The following SLC25A24 variants were observed in gnomAD, a reference collection of about 807,000 sequenced individuals.
The protein encoded by SLC25A24 is mitochondrial adenyl nucleotide antiporter SLC25A24.
In SLC25A24, 49 loss-of-function variants were observed where a neutral mutation model predicts 60.7. The ratio of observed to expected loss-of-function variants is 0.81; its 90% CI spans 0.64 to 1.02. SLC25A24 has a LOEUF of 1.02. Ranked by LOEUF, SLC25A24 falls within the 50% of genes least tolerant of loss-of-function variation. SLC25A24 has a pLI of 0.00. For missense variants in SLC25A24, 564 were observed against 586.3 expected, an observed-to-expected ratio of 0.96 and a Z score of 0.39; for synonymous variants, 202 against 200.6, an observed-to-expected ratio of 1.01 and a Z score of -0.06.
intron 3 of SLC25A24, among the ~76,000 whole-genome samples, chr1:108,179,084 T>C (rs1415960003): frequency 8.4e-6 from 1 of 119,574 alleles, no homozygotes; most frequent in South Asian, 2.5e-4. Context: ...AAAACCCCAA[T>C]AGACATTTTT....
At chr1:108,151,824 T>C (rs1334963601) in intron 6 of SLC25A24, among the ~76,000 whole-genome samples, 1 of 152,214 alleles carries the variant, frequency 6.6e-6, no homozygotes, top group Non-Finnish European at 1.5e-5. Flanking sequence ...GAACCTGATA[T>C]TGTATTCTCT....
chr1:108,177,909 A>G (rs1647742665), intron 3 of SLC25A24, among the ~76,000 whole-genome samples: 1 of 152,186 alleles, frequency 6.6e-6, no homozygotes, highest in African/African-American at 2.4e-5. Flanking sequence ...TCACACCTGT[A>G]ATCCCAGCAC....
chr1:108,145,077 T>C (rs1025714045), intron 7 of SLC25A24, among the ~76,000 whole-genome samples: 2 of 152,192 alleles, frequency 1.3e-5, no homozygotes, highest in African/African-American at 2.4e-5. Flanking sequence ...TTTCTCCACA[T>C]ATTTGCCAGC....
intron 6 of SLC25A24, among the ~76,000 whole-genome samples, chr1:108,154,073 A>ATTTTTTTTTT (rs3043351): frequency 2.2e-5 from 3 of 133,480 alleles, no homozygotes; most frequent in Non-Finnish European, 4.7e-5. Flanking sequence ...ATTTTCTTTA[A>ATTTTTTTTTT]TTTTTTTTTT....
intron 5 of SLC25A24, 93 bp downstream of exon 5, chr1:108,157,369 T>C: frequency 7.4e-7 from 1 of 1,352,878 alleles, no homozygotes; most frequent in Middle Eastern, 1.9e-4. Context: ...AGATTATTAC[T>C]GAGAAATTTT....
chr1:108,143,617 C>G lies in SLC25A24; in HGVS notation c.1024G>C (p.Ala342Pro), dbSNP rs1338033505. 13 of 1,613,638 alleles carry G rather than the reference C, an allele frequency of 8.1e-6. No homozygotes were observed. Among genetic ancestry groups the G allele is most frequent in the Admixed American group, 1.7e-5 (1 of 59,972 alleles). The change falls in exon 8 of 10, where the codon GCT becomes CCT. Residue 342 changes from alanine (A) to proline (P), a missense_variant. By Grantham distance (27) the Ala-to-Pro change is conservative. Transcript: ENST00000565488. ...TTGGGAACATAGCCTTTGTAAAAAG[C>G]TCCCAAGCCTTCATGTTTCAAAATC... ...KKILKHEGLGAFYKGYVPNLL... is the reference protein window; with the variant it reads ...KKILKHEGLGPFYKGYVPNLL...
At position 108,161,217 on chromosome 1, in the gene SLC25A24, TG is replaced by T. The variant is rs1428322488; in HGVS notation, c.474del (p.Asp158GlufsTer17). On this transcript the variant is annotated frameshift_variant, in exon 4 of 10. Transcript: ENST00000565488. LOFTEE classifies it high-confidence loss of function. ...TTCCAGAAACGGATAATTTCCTCAA[TG>T]TCTGTAACAGGATTAAATAAGAAGT... ...RDYFLFNPVT[D>X]IEEIIRFWKH... 6.3e-7 allele frequency: 1 copy of T among 1,593,674 alleles called. No homozygotes were observed. The highest frequency in any genetic ancestry group is 2.2e-5 in the East Asian group (1 of 44,768).
At chr1:108,137,228 T>A (rs1679315883) in intron 9 of SLC25A24, among the ~76,000 whole-genome samples, 1 of 152,168 alleles carries the variant, frequency 6.6e-6, no homozygotes, top group Admixed American at 6.5e-5. Flanking sequence ...ACTCTAAAGC[T>A]GGTACACTTT....
chr1:108,161,178 T>G lies in SLC25A24; in HGVS notation c.510+4A>C, dbSNP rs1285166910. On this transcript the variant is annotated splice_donor_region_variant and intron_variant, in intron 4 of 9. Transcript: ENST00000565488. ...ATAAGTATAAATACATAAAGTAGAC[T>G]TACTGTAGAATGTTTCCAGAAACGG... 7.1e-7 allele frequency: 1 copy of G among 1,406,454 alleles called. No homozygotes were observed. The highest frequency in any genetic ancestry group is 1.4e-5 in the African/African-American group (1 of 70,810). The allele number at this position is 1,406,454 out of a possible 1,614,324, so 87.1% of individuals were successfully genotyped here.
intron 3 of SLC25A24, among the ~76,000 whole-genome samples, chr1:108,171,564 C>T (rs1381548387): frequency 6.6e-6 from 1 of 152,148 alleles, no homozygotes; most frequent in East Asian, 1.9e-4. Context: ...CTACCTTCCA[C>T]TCACCCTTTT....
chr1:108,200,161 T>TG lies in SLC25A24; in HGVS notation c.-24dup, dbSNP rs1299367939. The TG allele has an allele frequency of 1.3e-6, 2 of 1,535,966 alleles. No homozygotes were observed. The highest frequency in any genetic ancestry group is 3.9e-5 in the Admixed American group (2 of 50,638). The stretch of plus-strand genomic sequence containing the variant: ...CATGGTCCCAGAGGCGCAGGCGGCC[T>TG]GGCCGAGGAAGTCACGGGAGATCGA... On this transcript the variant is annotated 5_prime_UTR_variant, in exon 1 of 10. Coordinates refer to ENST00000565488, the MANE Select transcript of SLC25A24 (RefSeq NM_013386.5).
intron 6 of SLC25A24, among the ~76,000 whole-genome samples, chr1:108,149,968 C>G (rs545317972): frequency 1.3e-5 from 2 of 152,324 alleles, no homozygotes; most frequent in Admixed American, 1.3e-4. Context: ...AAATACCAGA[C>G]ATTCCTCCCC....
intron 4 of SLC25A24, among the ~76,000 whole-genome samples, chr1:108,158,871 T>C (rs1016403924): frequency 4.0e-5 from 6 of 151,834 alleles, no homozygotes; most frequent in South Asian, 2.1e-4. Context: ...GGCGCAGTGG[T>C]GGGTGCCTGT....
intron 4 of SLC25A24, among the ~76,000 whole-genome samples, chr1:108,158,940 T>C (rs189236688): frequency 1.9e-3 from 282 of 152,066 alleles, no homozygotes; most frequent in African/African-American, 6.3e-3. Context: ...GAGGCCGAGT[T>C]TGCAGAGAGC....
At chr1:108,184,088 C>T (rs768488581) in intron 2 of SLC25A24, among the ~76,000 whole-genome samples, 11 of 152,126 alleles carry the variant, frequency 7.2e-5, no homozygotes, top group African/African-American at 2.7e-4. Flanking sequence ...AATACACAAA[C>T]ATGGGAAATT....
At chr1:108,168,425 T>C (rs968077772) in intron 3 of SLC25A24, among the ~76,000 whole-genome samples, 5 of 152,176 alleles carry the variant, frequency 3.3e-5, no homozygotes, top group African/African-American at 1.2e-4. Flanking sequence ...TTTAATTTCA[T>C]TCAAAGTTAT....
intron 1 of SLC25A24, among the ~76,000 whole-genome samples, chr1:108,193,072 T>C (rs1416715943): frequency 7.1e-6 from 1 of 140,122 alleles, no homozygotes; most frequent in Non-Finnish European, 1.6e-5. Flanking sequence ...ACATGGGCTA[T>C]TGCAGCATAA....
intron 3 of SLC25A24, among the ~76,000 whole-genome samples, chr1:108,167,231 C>T (rs947187680): frequency 4.6e-5 from 7 of 151,130 alleles, no homozygotes; most frequent in African/African-American, 2.4e-5. Context: ...GCAGAGGTTA[C>T]TGCTGTCTTT....
intron 9 of SLC25A24, among the ~76,000 whole-genome samples, chr1:108,137,288 G>A (rs1679317538): frequency 6.6e-6 from 1 of 152,154 alleles, no homozygotes; most frequent in Admixed American, 6.5e-5. Context: ...GACAAGCGCT[G>A]AAGAGAGAAC....
Sources: allele counts gnomAD v4.1 joint callset (sites outside exome capture counted in the v4.1 genomes callset), GRCh38; gene constraint gnomAD v4.1.1; transcripts MANE v1.5; gene names NCBI Gene and HGNC (gene_info 2026-07-23, HGNC 2026-07-21).